TMEM229B: variants seen among roughly 807,000 people sequenced by gnomAD.
The protein encoded by TMEM229B is chromosome 14 open reading frame 83.
In TMEM229B, 6 loss-of-function variants were observed where a neutral mutation model predicts 13.7. That is an observed-to-expected ratio of 0.44 (90% CI 0.24 to 0.86). The LOEUF (loss-of-function observed/expected upper bound fraction) is 0.86. Among genes scored for constraint, TMEM229B ranks in the 40% least tolerant of loss-of-function variants. The pLI is 0.23. For synonymous variants in TMEM229B, 107 were observed against 102.1 expected (o/e 1.05, Z -0.29); for missense variants, 170 against 236.0 (o/e 0.72, Z 1.83).
In TMEM229B at chr14:67,521,958, C is replaced by A. The variant is rs547085108; in HGVS notation, c.-192+11678G>T. On this transcript the variant is annotated intron_variant, in intron 1 of 2. Coordinates refer to the TMEM229B transcript ENST00000554278. ...TTGGGAGGCTGAGGCGGGTGGATCACGAGGTCAAGAGTTCAATATCAGCCT... is the reference window on the plus strand; with the variant it reads ...TTGGGAGGCTGAGGCGGGTGGATCAAGAGGTCAAGAGTTCAATATCAGCCT... Among the ~76,000 whole-genome samples the A allele has an allele frequency of 9.9e-5, 15 of 152,124 alleles. No individual in the cohort carries two copies. The South Asian group carries it at 2.7e-3, about 27-fold the overall frequency.
intron 1 of TMEM229B, among the ~76,000 whole-genome samples, chr14:67,494,015 A>G (rs1319479651): frequency 6.6e-6 from 1 of 152,096 alleles, no homozygotes; most frequent in African/African-American, 2.4e-5. Context: ...AGTCCACAGG[A>G]AAGACCACCA....
chr14:67,492,064 C>T (rs1272072061), upstream of TMEM229B, among the ~76,000 whole-genome samples: 1 of 152,176 alleles, frequency 6.6e-6, no homozygotes, highest in South Asian at 2.1e-4. Context: ...GGCCACCTGT[C>T]CTTTCCCTCT....
exon 1 of TMEM229B, chr14:67,515,150 G>C (rs1002553307): frequency 6.6e-6 from 1 of 152,396 alleles, no homozygotes; most frequent in Non-Finnish European, 1.5e-5. Flanking sequence ...GCGCAGGTGC[G>C]GCTAGGAGCG....
rs540688975 is a variant in TMEM229B, at chr14:67,480,409, TG to T, written c.-18-6469del. Among the ~76,000 whole-genome samples, 19 of 152,238 alleles carry T rather than the reference TG, an allele frequency of 1.2e-4. No individual in the cohort carries two copies. The East Asian group carries it at 3.7e-3, about 29-fold the overall frequency. ...TGAAGGTGAGCCTCCAGCTTCCCTG[TG>T]GCTACCGAGGGATGAATGGAAGAGG... On this transcript the variant is annotated intron_variant, in intron 2 of 2. Coordinates refer to ENST00000554480, the MANE Select transcript of TMEM229B (RefSeq NM_001348543.2).
chr14:67,529,518 T>G (rs1446503319), intron 1 of TMEM229B, among the ~76,000 whole-genome samples: 4 of 152,146 alleles, frequency 2.6e-5, no homozygotes. Context: ...GTTAGGACAC[T>G]TCCTCCCATC....
chr14:67,476,258 A>C (rs1367057608), intron 2 of TMEM229B, among the ~76,000 whole-genome samples: 1 of 152,224 alleles, frequency 6.6e-6, no homozygotes, highest in African/African-American at 2.4e-5. Context: ...TGGTCTTCCA[A>C]GCACTTCGTT....
chr14:67,491,871 G>A (rs1266750333), upstream of TMEM229B, among the ~76,000 whole-genome samples: 3 of 152,224 alleles, frequency 2.0e-5, no homozygotes, highest in African/African-American at 7.2e-5. Flanking sequence ...GCTCCCCCAG[G>A]AAGCAAGGAG....
At chr14:67,478,400 T>G (rs1566673922) in intron 2 of TMEM229B, among the ~76,000 whole-genome samples, 3 of 152,238 alleles carry the variant, frequency 2.0e-5, no homozygotes, top group Non-Finnish European at 2.9e-5. Context: ...ACTCTTCTCA[T>G]TGCTGCCACT....
chr14:67,519,548 C>T (rs553518970), upstream of TMEM229B, among the ~76,000 whole-genome samples: 30 of 152,202 alleles, frequency 2.0e-4, no homozygotes, highest in African/African-American at 6.5e-4. Flanking sequence ...CTGGTGTAAG[C>T]CCTACTAGGT....
intron 1 of TMEM229B, among the ~76,000 whole-genome samples, chr14:67,528,669 A>G (rs2033402751): frequency 6.6e-6 from 1 of 151,996 alleles, no homozygotes; most frequent in Non-Finnish European, 1.5e-5. Context: ...TCCTGTCCCT[A>G]TCCCATTAAG....
Position 67,470,996 on chromosome 14 carries a change from G to A in TMEM229B, c.*2424C>T, listed in dbSNP as rs2030679570. Reference sequence around the variant, plus strand: ...AAGAATTGAAGTCTGGGCTATCCCTGGTGAGATCTGAACCTGTAGATCCCG... The same window carrying A: ...AAGAATTGAAGTCTGGGCTATCCCTAGTGAGATCTGAACCTGTAGATCCCG... On this transcript the variant is annotated 3_prime_UTR_variant, in exon 3 of 3. Coordinates refer to ENST00000554480, the MANE Select transcript of TMEM229B (RefSeq NM_001348543.2). 2 of 152,188 alleles carry A rather than the reference G, an allele frequency of 1.3e-5. 1 individual carries two copies. The highest frequency in any genetic ancestry group is 4.1e-4 in the South Asian group (2 of 4,828). 9.4% of individuals were successfully genotyped at this position (152,188 alleles called of 1,614,324 possible). A position where few individuals can be genotyped will look rare whatever the true frequency, so the allele number is the denominator to read the frequency against.
intron 1 of TMEM229B, among the ~76,000 whole-genome samples, chr14:67,511,625 A>G (rs2033029460): frequency 6.6e-6 from 1 of 152,234 alleles, no homozygotes; most frequent in African/African-American, 2.4e-5. Flanking sequence ...GCCAGACTGG[A>G]TTGTGATCCA....
intron 2 of TMEM229B, among the ~76,000 whole-genome samples, chr14:67,482,733 A>G (rs1566677851): frequency 1.3e-5 from 2 of 152,238 alleles, no homozygotes; most frequent in Admixed American, 6.5e-5. Flanking sequence ...GGGCTTGCCC[A>G]GGGCCAGAAG....
chr14:67,523,808 G>A (rs982641488), intron 1 of TMEM229B, among the ~76,000 whole-genome samples: 13 of 152,180 alleles, frequency 8.5e-5, no homozygotes, highest in African/African-American at 2.4e-4. Context: ...AAGAACAGAC[G>A]TGGGAAGGGG....
chr14:67,526,894 G>T (rs926486544), intron 1 of TMEM229B, among the ~76,000 whole-genome samples: 2 of 152,170 alleles, frequency 1.3e-5, no homozygotes, highest in African/African-American at 4.8e-5. Flanking sequence ...GCTTCCAGTA[G>T]GGTATGAGCC....
intron 1 of TMEM229B, among the ~76,000 whole-genome samples, chr14:67,514,464 G>T (rs528285243): frequency 9.5e-4 from 144 of 152,296 alleles, no homozygotes; most frequent in South Asian, 2.3e-3. Flanking sequence ...AGGGGGCTGG[G>T]CTGGGCCCCA....
At chr14:67,502,105 G>T (rs957235492) in intron 1 of TMEM229B, among the ~76,000 whole-genome samples, 57 of 152,126 alleles carry the variant, frequency 3.7e-4, no homozygotes, top group African/African-American at 1.4e-3. Flanking sequence ...GGCCAAGGTG[G>T]GTGGATCACC....
At chr14:67,508,767 A>AAAAAAAAACAAAAAAAAC (rs1260678496) in intron 1 of TMEM229B, among the ~76,000 whole-genome samples, 1 of 150,882 alleles carries the variant, frequency 6.6e-6, no homozygotes, top group Non-Finnish European at 1.5e-5. Flanking sequence ...AAAAAAAAAA[A>AAAAAAAAACAAAAAAAAC]AAAACAGAAG....
At chr14:67,503,041 T>C (rs2032675061) in intron 1 of TMEM229B, among the ~76,000 whole-genome samples, 2 of 152,114 alleles carry the variant, frequency 1.3e-5, no homozygotes, top group Admixed American at 1.3e-4. Flanking sequence ...TTGAGAGCCT[T>C]GCGTAAGTTA....
Sources: allele counts gnomAD v4.1 joint callset (sites outside exome capture counted in the v4.1 genomes callset), GRCh38; gene constraint gnomAD v4.1.1; transcripts MANE v1.5; gene names NCBI Gene and HGNC (gene_info 2026-07-23, HGNC 2026-07-21).